The following SYN2 variants were observed in gnomAD, a reference collection of about 807,000 sequenced individuals.
SYN2 encodes synapsin-2.
In SYN2, 19 loss-of-function variants were observed where a neutral mutation model predicts 50.9. The ratio of observed to expected loss-of-function variants is 0.37; its 90% CI spans 0.26 to 0.55. SYN2 has a LOEUF of 0.55. Among genes scored for constraint, SYN2 ranks in the 20% least tolerant of loss-of-function variants. The pLI is 0.81. For synonymous variants in SYN2, 255 were observed against 224.9 expected (o/e 1.13, Z -1.20); for missense variants, 587 against 576.4 (o/e 1.02, Z -0.19).
intron 1 of SYN2, among the ~76,000 whole-genome samples, chr3:12,019,424 A>T (rs545223622): frequency 6.6e-6 from 1 of 152,174 alleles, no homozygotes; most frequent in Non-Finnish European, 1.5e-5. Flanking sequence ...AAACAGAAAA[A>T]CTTCTCTGAC....
intron 1 of SYN2, among the ~76,000 whole-genome samples, chr3:12,014,693 C>T (rs1693984414): frequency 6.6e-6 from 1 of 152,156 alleles, no homozygotes; most frequent in Non-Finnish European, 1.5e-5. Context: ...GCCACCCAAG[C>T]TGTGTGTTTC....
intron 3 of SYN2, among the ~76,000 whole-genome samples, chr3:12,145,364 C>G (rs577072356): frequency 4.6e-5 from 7 of 152,092 alleles, no homozygotes; most frequent in Non-Finnish European, 8.8e-5. Context: ...AAGTAAGACC[C>G]TGTCTCTCCA....
intron 1 of SYN2, among the ~76,000 whole-genome samples, chr3:12,105,802 C>G (rs1696174596): frequency 6.6e-6 from 1 of 152,020 alleles, no homozygotes; most frequent in African/African-American, 2.4e-5. Flanking sequence ...GAAGATTTTT[C>G]TAGCCTAGCC....
intron 1 of SYN2, among the ~76,000 whole-genome samples, chr3:12,117,716 A>G (rs1474397347): frequency 6.6e-6 from 1 of 152,218 alleles, no homozygotes; most frequent in Non-Finnish European, 1.5e-5. Flanking sequence ...AGAGTTGTCA[A>G]GTTTTAAATC....
intron 1 of SYN2, among the ~76,000 whole-genome samples, chr3:12,033,955 C>G (rs561881167): frequency 2.6e-5 from 4 of 152,240 alleles, no homozygotes; most frequent in African/African-American, 9.6e-5. Flanking sequence ...GGGTTGTTTT[C>G]ACTTCTGTGT....
intron 1 of SYN2, among the ~76,000 whole-genome samples, chr3:12,073,007 A>G (rs925983669): frequency 2.6e-5 from 4 of 152,160 alleles, no homozygotes; most frequent in African/African-American, 7.2e-5. Flanking sequence ...GACTTTATCA[A>G]TGTGGCAATA....
intron 1 of SYN2, among the ~76,000 whole-genome samples, chr3:12,130,890 G>A (rs1233993374): frequency 6.6e-6 from 1 of 152,268 alleles, no homozygotes; most frequent in East Asian, 1.9e-4. Context: ...CCAGAAGGAG[G>A]AGAAACTACT....
intron 1 of SYN2, among the ~76,000 whole-genome samples, chr3:12,069,483 G>C (rs1400642689): frequency 1.3e-5 from 2 of 151,994 alleles, no homozygotes; most frequent in African/African-American, 2.4e-5. Context: ...TACTGACCTC[G>C]TGATCTGCCC....
intron 4 of SYN2, among the ~76,000 whole-genome samples, chr3:12,147,672 C>T (rs1047438366): frequency 6.6e-6 from 1 of 152,146 alleles, no homozygotes; most frequent in Non-Finnish European, 1.5e-5. Context: ...CTGCTATTAG[C>T]AGCTTTTTCT....
chr3:12,169,060 C>T (rs976227182), intron 9 of SYN2, among the ~76,000 whole-genome samples: 12 of 152,160 alleles, frequency 7.9e-5, no homozygotes, highest in African/African-American at 2.9e-4. Flanking sequence ...GTGTCAGGAG[C>T]CCAAAGTAGG....
chr3:12,098,869 A>ATG (rs1287040709), intron 1 of SYN2, among the ~76,000 whole-genome samples: 6 of 147,842 alleles, frequency 4.1e-5, no homozygotes, highest in Non-Finnish European at 6.0e-5. Flanking sequence ...ATATATATAT[A>ATG]TATATATATA....
At chr3:12,035,545 G>A (rs968456193) in intron 1 of SYN2, among the ~76,000 whole-genome samples, 2 of 152,224 alleles carry the variant, frequency 1.3e-5, no homozygotes, top group African/African-American at 4.8e-5. Flanking sequence ...TTACATGTAA[G>A]GGTTTTTAAA....
intron 10 of SYN2, among the ~76,000 whole-genome samples, chr3:12,177,513 C>A (rs1698107150): frequency 6.6e-6 from 1 of 152,076 alleles, no homozygotes; most frequent in African/African-American, 2.4e-5. Flanking sequence ...AAGGGCTGTC[C>A]AGTTAGGGAG....
At chr3:12,025,626 A>T (rs307606) in intron 1 of SYN2, among the ~76,000 whole-genome samples, 118,732 of 152,048 alleles carry the variant, frequency 0.78, 46,685 homozygotes, top group Middle Eastern at 0.89. Flanking sequence ...AAACTACAGT[A>T]GTCAGTGAGG....
At chr3:12,131,321 C>G in intron 1 of SYN2, among the ~76,000 whole-genome samples, 1 of 152,320 alleles carries the variant, frequency 6.6e-6, no homozygotes, top group East Asian at 1.9e-4. Context: ...AGGATGGGAA[C>G]CTGCAGCTCT....
rs545287325 is a variant in SYN2 at position 12,050,123 on chromosome 3, A to C, written c.377+45195A>C. Among the ~76,000 whole-genome samples, 422 of 151,962 alleles carry C rather than the reference A, an allele frequency of 2.8e-3. 2 individuals are homozygous for C. The highest frequency in any genetic ancestry group is 5.3e-3 in the Non-Finnish European group (359 of 67,952). On this transcript the variant is annotated intron_variant, in intron 1 of 12. Coordinates refer to ENST00000621198, the MANE Select transcript of SYN2 (RefSeq NM_133625.6). ...ACTATGTTGGTCAGGCTGGTCTCGAACTCATGACCTCAGGCGATTCACCCG... is the reference window on the plus strand; with the variant it reads ...ACTATGTTGGTCAGGCTGGTCTCGACCTCATGACCTCAGGCGATTCACCCG...
chr3:12,163,911 T>C (rs1347556066), intron 7 of SYN2, among the ~76,000 whole-genome samples: 1 of 151,972 alleles, frequency 6.6e-6, no homozygotes, highest in Non-Finnish European at 1.5e-5. Context: ...ACCCCATCTC[T>C]ACAAAAAATA....
intron 1 of SYN2, among the ~76,000 whole-genome samples, chr3:12,085,377 ACACGCACG>A (rs1320291272): frequency 0.038 from 5,772 of 151,116 alleles, 139 homozygotes; most frequent in Non-Finnish European, 0.056. Flanking sequence ...ACACACACAC[ACACGCACG>A]CACGCACGCA....
intron 1 of SYN2, among the ~76,000 whole-genome samples, chr3:12,087,801 A>C (rs1695738212): frequency 6.6e-6 from 1 of 152,020 alleles, no homozygotes. Flanking sequence ...ATTGATTTTC[A>C]ACAAAGGTGC....
Sources: gnomAD v4.1 joint callset for allele counts (sites outside exome capture counted in the v4.1 genomes callset) on GRCh38, gnomAD v4.1.1 for gene constraint, MANE v1.5 for transcripts, NCBI Gene and HGNC (gene_info 2026-07-23, HGNC 2026-07-21) for gene names.